The following ATP7B variants were observed in gnomAD, a reference collection of about 807,000 sequenced individuals.
The protein encoded by ATP7B is copper-transporting ATPase 2.
In ATP7B, 113 loss-of-function variants were observed where a neutral mutation model predicts 118.9. The observed-to-expected ratio is 0.95, with a 90% CI of 0.82 to 1.11. The LOEUF (loss-of-function observed/expected upper bound fraction) is 1.11, where lower values mean the gene tolerates loss of function less well. Ranked by LOEUF, ATP7B falls within the 50% of genes most tolerant of loss-of-function variation. ATP7B has a pLI of 0.00. For missense variants in ATP7B, 1,867 were observed against 1,871.4 expected (o/e 1.00, Z 0.04); for synonymous variants, 777 against 727.4 (o/e 1.07, Z -1.10).
intron 1 of ATP7B, among the ~76,000 whole-genome samples, chr13:52,006,191 CTT>C (rs1953761814): frequency 1.3e-5 from 2 of 152,266 alleles, no homozygotes; most frequent in South Asian, 4.2e-4. Context: ...GTGGGTAAAT[CTT>C]TGTTCGGGGC....
intron 9 of ATP7B, among the ~76,000 whole-genome samples, chr13:51,955,874 T>C (rs1438968168): frequency 2.0e-5 from 3 of 152,100 alleles, no homozygotes; most frequent in Non-Finnish European, 2.9e-5. Flanking sequence ...CACAGGGTCC[T>C]GTTTGGGGGC....
intron 5 of ATP7B, among the ~76,000 whole-genome samples, chr13:51,963,028 C>T (rs1958852767): frequency 6.6e-6 from 1 of 151,730 alleles, no homozygotes; most frequent in Admixed American, 6.6e-5. Context: ...GGAGGCAGAG[C>T]TTGCAGTGAG....
At chr13:52,005,022 C>T (rs1009562251) in intron 1 of ATP7B, among the ~76,000 whole-genome samples, 1 of 152,222 alleles carries the variant, frequency 6.6e-6, no homozygotes, top group Admixed American at 6.5e-5. Flanking sequence ...CCGCAGAATG[C>T]AGGAAGCAGA....
At chr13:51,948,664 G>A (rs1237070427) in intron 12 of ATP7B, among the ~76,000 whole-genome samples, 1 of 152,078 alleles carries the variant, frequency 6.6e-6, no homozygotes, top group Admixed American at 6.6e-5. Flanking sequence ...CACAAACACC[G>A]AAAATGTCAC....
intron 1 of ATP7B, among the ~76,000 whole-genome samples, chr13:52,008,670 T>C (rs146926707): frequency 2.0e-3 from 304 of 152,316 alleles, no homozygotes; most frequent in African/African-American, 7.0e-3. Flanking sequence ...AGACCAAGTA[T>C]ATATTTCTTC....
At chr13:51,986,187 AAGAG>A (rs1952642494) in intron 1 of ATP7B, among the ~76,000 whole-genome samples, 1 of 152,196 alleles carries the variant, frequency 6.6e-6, no homozygotes, top group South Asian at 2.1e-4. Context: ...TAAAGAAGAA[AAGAG>A]AGAGGAATCA....
chr13:51,943,352 AG>A (rs1957452331), intron 14 of ATP7B, among the ~76,000 whole-genome samples: 1 of 152,216 alleles, frequency 6.6e-6, no homozygotes, highest in Admixed American at 6.5e-5. Flanking sequence ...AAATGTCAGA[AG>A]GGTGAGGTGA....
rs552140326 is a variant in ATP7B, at chr13:52,002,750, T to A, written c.51+8537A>T. 4.6e-5 allele frequency among the ~76,000 whole-genome samples: 7 copies of A among 152,126 alleles called. No individual in the cohort carries two copies. The South Asian group carries it at 1.4e-3, about 31-fold the overall frequency. On this transcript the variant is annotated intron_variant, in intron 1 of 20. Coordinates refer to ENST00000242839, the MANE Select transcript of ATP7B (RefSeq NM_000053.4). ...TTCTAGATCATCACAATAAAGCAAA[T>A]ATCCTAATAACGTGAGTGACACAAA...
Position 51,939,143 on chromosome 13 carries a change from C to G in ATP7B, c.3607G>C (p.Ala1203Pro). The change falls in exon 17 of 21, where the codon GCC becomes CCC. Residue 1203 changes from alanine to proline, a missense_variant. Coordinates refer to ENST00000242839, the MANE Select transcript of ATP7B (RefSeq NM_000053.4). Reference protein sequence around the residue: ...AIADAVKQEAALAVHTLQSMG... With the variant: ...AIADAVKQEAPLAVHTLQSMG... The stretch of plus-strand genomic sequence containing the variant: ...CTCTGCAGCGTGTGCACAGCCAGGG[C>G]AGCCTCCTGCTTGACAGCGTCTGCG... 7 of 1,614,232 alleles carry G rather than the reference C, an allele frequency of 4.3e-6. No individual in the cohort carries two copies. The highest frequency in any genetic ancestry group is 5.9e-6 in the Non-Finnish European group (7 of 1,180,052).
intron 7 of ATP7B, chr13:51,959,091 T>C (rs375773245): frequency 6.1e-5 from 10 of 164,118 alleles, no homozygotes; most frequent in African/African-American, 2.4e-4. Flanking sequence ...AATATCACCA[T>C]AGCAACACTG....
intron 1 of ATP7B, among the ~76,000 whole-genome samples, chr13:51,997,267 A>G (rs971644257): frequency 6.6e-6 from 1 of 152,210 alleles, no homozygotes; most frequent in African/African-American, 2.4e-5. Flanking sequence ...AAATTTTGTC[A>G]TTCTGGGTGA....
chr13:51,985,502 G>A (rs1470582311), intron 1 of ATP7B, among the ~76,000 whole-genome samples: 3 of 152,184 alleles, frequency 2.0e-5, no homozygotes, highest in Non-Finnish European at 4.4e-5. Context: ...ATATTAGACA[G>A]ATCAATGAGG....
chr13:51,968,586 GC>G lies in ATP7B; in HGVS notation c.1564del (p.Ala522ProfsTer2). ...KEAGVLSVLVALMAGKAEIKY... is the reference protein window; with the variant it reads ...KEAGVLSVLVXLMAGKAEIKY... ...GATCTCTGCCTTTCCTGCCATCAAG[GC>G]AACCAACACGGAGAGAACACCTGGA... On this transcript the variant is annotated frameshift_variant, in exon 4 of 21. Coordinates refer to ENST00000242839, the MANE Select transcript of ATP7B (RefSeq NM_000053.4). LOFTEE classifies it high-confidence loss of function. The G allele has an allele frequency of 6.2e-7, 1 of 1,614,092 alleles. No individual in the cohort carries two copies. Among genetic ancestry groups the G allele is most frequent in the Middle Eastern group, 1.7e-4 (1 of 6,058 alleles).
chr13:51,971,452 A>C (rs1264375670), intron 2 of ATP7B, among the ~76,000 whole-genome samples: 1 of 152,194 alleles, frequency 6.6e-6, no homozygotes, highest in Non-Finnish European at 1.5e-5. Context: ...AAAAATCACT[A>C]TTCTTTTCTT....
chr13:51,983,456 C>G (rs1246199243), intron 1 of ATP7B, among the ~76,000 whole-genome samples: 4 of 152,186 alleles, frequency 2.6e-5, no homozygotes, highest in South Asian at 2.1e-4. Context: ...GGACAGATCA[C>G]CTGGGGCAAA....
intron 17 of ATP7B, among the ~76,000 whole-genome samples, chr13:51,938,420 A>T (rs1957106563): frequency 3.3e-5 from 5 of 152,362 alleles, no homozygotes; most frequent in Admixed American, 2.6e-4. Context: ...TGCTAGCCAG[A>T]AAAGGGGGGA....
In ATP7B at chr13:51,950,132, C is replaced by A. The variant is rs191312027; in HGVS notation, c.2605G>T (p.Gly869Ter). The change falls in exon 11 of 21, where the codon GGA (glycine) becomes TGA (stop). Residue 869 changes from glycine to a stop codon, truncating the protein, a stop_gained. Coordinates refer to ENST00000242839, the MANE Select transcript of ATP7B (RefSeq NM_000053.4). LOFTEE classifies it high-confidence loss of function. ...ATAGACCCCGCAATTACAGTGCTTCCGGGTTTCTTAGTGACTGGCATGGCT... is the reference window on the plus strand; with the variant it reads ...ATAGACCCCGCAATTACAGTGCTTCAGGGTTTCTTAGTGACTGGCATGGCT... ...GEAMPVTKKP[G>*]STVIAGSINA... is the part of the protein sequence containing the mutation. 2.5e-6 allele frequency: 4 copies of A among 1,614,172 alleles called. No homozygotes were observed. Among genetic ancestry groups the A allele is most frequent in the Non-Finnish European group, 3.4e-6 (4 of 1,180,032 alleles).
intron 4 of ATP7B, among the ~76,000 whole-genome samples, chr13:51,966,299 C>T (rs551437116): frequency 4.6e-5 from 7 of 152,296 alleles, no homozygotes; most frequent in African/African-American, 1.7e-4. Flanking sequence ...AGCTGAAGCA[C>T]GTCCCCAGAT....
intron 16 of ATP7B, among the ~76,000 whole-genome samples, 174 bp downstream of exon 16, chr13:51,940,907 G>A (rs891408473): frequency 6.6e-6 from 1 of 152,100 alleles, no homozygotes; most frequent in African/African-American, 2.4e-5. Flanking sequence ...TGGAGCCAGT[G>A]GAAAGAATGA....
Sources: allele counts gnomAD v4.1 joint callset (sites outside exome capture counted in the v4.1 genomes callset), GRCh38; gene constraint gnomAD v4.1.1; transcripts MANE v1.5; gene names NCBI Gene and HGNC (gene_info 2026-07-23, HGNC 2026-07-21).